Variants in TDRD9 observed in about 807,000 individuals in gnomAD.
The protein encoded by TDRD9 is ATP-dependent RNA helicase TDRD9.
A neutral mutation model predicts 172.6 loss-of-function variants in TDRD9; 124 were observed. The observed-to-expected ratio is 0.72, with a 90% confidence interval of 0.62 to 0.83. The LOEUF (loss-of-function observed/expected upper bound fraction) is 0.83, where lower values mean the gene tolerates loss of function less well. Among genes scored for constraint, TDRD9 ranks in the 40% least tolerant of loss-of-function variants. TDRD9 has a pLI of 0.00. For synonymous variants in TDRD9, 619 were observed against 617.1 expected (o/e 1.00, Z -0.05); for missense variants, 1,479 against 1,714.1 (o/e 0.86, Z 2.42).
At chr14:103,992,246 A>T (rs780935487) in intron 9 of TDRD9, among the ~76,000 whole-genome samples, 5 of 152,248 alleles carry the variant, frequency 3.3e-5, no homozygotes, top group Non-Finnish European at 5.9e-5. Flanking sequence ...ATGAAACATT[A>T]TGACAATAAT....
chr14:103,945,164 G>A (rs1389520679), intron 1 of TDRD9, among the ~76,000 whole-genome samples: 1 of 152,130 alleles, frequency 6.6e-6, no homozygotes, highest in Non-Finnish European at 1.5e-5. Flanking sequence ...GACCTTTTTG[G>A]GTAGGAGGTA....
chr14:103,976,801 C>T (rs1275814062), intron 7 of TDRD9, among the ~76,000 whole-genome samples: 2 of 152,152 alleles, frequency 1.3e-5, no homozygotes, highest in Non-Finnish European at 2.9e-5. Flanking sequence ...CAACAGTATA[C>T]AAGAGTTCCC....
intron 20 of TDRD9, among the ~76,000 whole-genome samples, chr14:104,011,162 A>G (rs1256718139): frequency 6.6e-6 from 1 of 152,224 alleles, no homozygotes; most frequent in Non-Finnish European, 1.5e-5. Flanking sequence ...GTGGTGCATG[A>G]CTTATACATG....
chr14:103,962,991 T>C (rs981073308), intron 2 of TDRD9, 88 bp from the exon 3 acceptor site: 2 of 685,434 alleles, frequency 2.9e-6, no homozygotes, highest in African/African-American at 3.6e-5. Context: ...TGTGTGTGTG[T>C]GTATGCTGTA....
At chr14:104,009,292 A>G (rs1276836075) in intron 20 of TDRD9, among the ~76,000 whole-genome samples, 1 of 152,264 alleles carries the variant, frequency 6.6e-6, no homozygotes, top group Non-Finnish European at 1.5e-5. Context: ...GAATATAACT[A>G]ATACCAGATC....
At chr14:103,955,846 AT>A (rs2032167238) in intron 2 of TDRD9, 76 bp downstream of exon 2, 1 of 1,245,888 alleles carries the variant, frequency 8.0e-7, no homozygotes, top group Non-Finnish European at 1.1e-6. Context: ...TTCATAGTGC[AT>A]GCCTGTAATT....
chr14:103,937,686 G>A (rs762750467), intron 1 of TDRD9, among the ~76,000 whole-genome samples: 5 of 152,136 alleles, frequency 3.3e-5, no homozygotes, highest in Non-Finnish European at 7.4e-5. Flanking sequence ...TACATGGGTG[G>A]TGCTGTCATT....
chr14:103,953,144 C>T (rs1453883566), intron 1 of TDRD9, among the ~76,000 whole-genome samples: 1 of 152,152 alleles, frequency 6.6e-6, no homozygotes, highest in East Asian at 1.9e-4. Flanking sequence ...ATTGTTATTT[C>T]TCTCTCTGCT....
chr14:104,026,055 T>C lies in TDRD9; in HGVS notation c.2940T>C (p.Phe980=). The change falls in exon 27 of 36, where the codon TTT becomes TTC. Residue 980 remains phenylalanine, a synonymous_variant. Transcript: ENST00000409874. ...CTTGCTTTATTTTCTAGGTATTCTT[T>C]GTAGATTATGGCAATAAGTCTCATG... ...YVSGNSAEVF[F]VDYGNKSHVD... is the part of the protein sequence containing the mutation. The C allele has an allele frequency of 6.2e-7, 1 of 1,605,470 alleles. No homozygotes were observed. The highest frequency in any genetic ancestry group is 2.2e-5 in the East Asian group (1 of 44,842).
At chr14:104,009,662 T>A (rs867166596) in intron 20 of TDRD9, among the ~76,000 whole-genome samples, 1 of 152,164 alleles carries the variant, frequency 6.6e-6, no homozygotes. Context: ...TTAAAAAAAA[T>A]TTTTGGCTCA....
chr14:103,984,497 A>C (rs769930296), intron 7 of TDRD9, among the ~76,000 whole-genome samples: 3 of 152,244 alleles, frequency 2.0e-5, no homozygotes, highest in Non-Finnish European at 2.9e-5. Flanking sequence ...GCAAGCCTCA[A>C]GCCTTGGCAG....
At chr14:103,941,025 G>C (rs1282774363) in intron 1 of TDRD9, 3 of 1,535,272 alleles carry the variant, frequency 2.0e-6, no homozygotes, top group South Asian at 2.4e-5. Context: ...AGCTGCTTAG[G>C]AAGTCTTTCA....
chr14:103,938,532 G>A (rs374483044), intron 1 of TDRD9, among the ~76,000 whole-genome samples: 51 of 147,320 alleles, frequency 3.5e-4, no homozygotes, highest in African/African-American at 1.2e-3. Flanking sequence ...TCTGCCTCCC[G>A]GGTTCATGCC....
chr14:103,985,409 GCTCT>G (rs1370565876), intron 7 of TDRD9, among the ~76,000 whole-genome samples: 1 of 152,172 alleles, frequency 6.6e-6, no homozygotes, highest in African/African-American at 2.4e-5. Flanking sequence ...CCATGCACAA[GCTCT>G]CTCTGTCTTC....
chr14:103,929,799 C>T (rs943615799), intron 1 of TDRD9, among the ~76,000 whole-genome samples: 1 of 152,166 alleles, frequency 6.6e-6, no homozygotes, highest in Non-Finnish European at 1.5e-5. Flanking sequence ...GGATTACAGG[C>T]GTGAGCCACT....
chr14:104,002,334 A>AG (rs1387202072), intron 13 of TDRD9, among the ~76,000 whole-genome samples: 3 of 112,254 alleles, frequency 2.7e-5, no homozygotes, highest in Admixed American at 8.8e-5. Flanking sequence ...AAAAAAAAAA[A>AG]AAAGAAAAAA....
intron 1 of TDRD9, among the ~76,000 whole-genome samples, chr14:103,937,525 G>A (rs542944985): frequency 1.3e-5 from 2 of 152,168 alleles, no homozygotes; most frequent in African/African-American, 4.8e-5. Flanking sequence ...CCTTCTCCAA[G>A]TACTGAACTC....
chr14:104,033,863 C>T (rs1051609251), intron 30 of TDRD9, 97 bp from the exon 31 acceptor site: 18 of 717,354 alleles, frequency 2.5e-5, no homozygotes, highest in Middle Eastern at 6.2e-4. Context: ...TGCAGTTGCC[C>T]GTTTGTATTT....
At chr14:103,930,320 T>C (rs936990098) in intron 1 of TDRD9, among the ~76,000 whole-genome samples, 6 of 152,052 alleles carry the variant, frequency 3.9e-5, no homozygotes, top group African/African-American at 1.4e-4. Context: ...CCCGAGTAGC[T>C]GGGATTACTG....
Sources: allele counts gnomAD v4.1 joint callset (sites outside exome capture counted in the v4.1 genomes callset), GRCh38; gene constraint gnomAD v4.1.1; transcripts MANE v1.5; gene names NCBI Gene and HGNC (gene_info 2026-07-23, HGNC 2026-07-21).